The following SMC6 variants were observed in gnomAD, a reference collection of about 807,000 sequenced individuals.
The protein encoded by SMC6 is structural maintenance of chromosomes protein 6.
A neutral mutation model predicts 142.2 loss-of-function variants in SMC6; 79 were observed. The observed-to-expected ratio is 0.56, with a 90% confidence interval of 0.46 to 0.67. SMC6 has a LOEUF of 0.67. Ranked by LOEUF, SMC6 falls within the 30% of genes least tolerant of loss-of-function variation. The pLI, the probability that SMC6 is intolerant of heterozygous loss-of-function variation, is 0.00. For missense variants in SMC6, 1,072 were observed against 1,284.0 expected (o/e 0.83, Z 2.52); for synonymous variants, 411 against 412.4 (o/e 1.00, Z 0.04).
intron 18 of SMC6, among the ~76,000 whole-genome samples, chr2:17,706,097 G>C (rs942031411): frequency 6.6e-6 from 1 of 151,978 alleles, no homozygotes; most frequent in African/African-American, 2.4e-5. Flanking sequence ...ATTAGTGCCT[G>C]GAGTATTAGA....
At chr2:17,725,426 A>G in intron 8 of SMC6, 68 bp from the exon 9 acceptor site, 3 of 1,120,966 alleles carry the variant, frequency 2.7e-6, no homozygotes, top group Non-Finnish European at 2.5e-6. Context: ...TTAAAAAGAA[A>G]AAGAAAAATT....
chr2:17,733,890 T>C (rs1234358484), intron 5 of SMC6, among the ~76,000 whole-genome samples: 1 of 152,192 alleles, frequency 6.6e-6, no homozygotes. Flanking sequence ...CAGTAAGACT[T>C]ATAAATGCCT....
chr2:17,743,941 C>T (rs1670605889), intron 3 of SMC6, among the ~76,000 whole-genome samples: 1 of 152,084 alleles, frequency 6.6e-6, no homozygotes, highest in South Asian at 2.1e-4. Context: ...AATAGTGCAT[C>T]GTCTGGATAT....
intron 23 of SMC6, among the ~76,000 whole-genome samples, chr2:17,690,114 ATT>A (rs919491096): frequency 2.0e-5 from 3 of 152,228 alleles, no homozygotes; most frequent in African/African-American, 7.2e-5. Context: ...TACTGCAATT[ATT>A]TTACTTTATA....
rs1245248127 is a variant in SMC6 at position 17,753,665 on chromosome 2, G to T, written c.-132C>A. 6.6e-6 allele frequency: 1 copy of T among 152,208 alleles called. No individual in the cohort carries two copies. Among genetic ancestry groups the T allele is most frequent in the Non-Finnish European group, 1.5e-5 (1 of 68,040 alleles). 9.4% of individuals were successfully genotyped at this position (152,208 alleles called of 1,614,324 possible). On this transcript the variant is annotated 5_prime_UTR_variant, in exon 1 of 28. Transcript: ENST00000448223. ...AGTCTCCCAAAGGAACCTGATCGGC[G>T]GGGCTGCCGTGGTACGACCGGCCGC...
At position 17,708,650 on chromosome 2, in the gene SMC6, G is replaced by T; in HGVS notation, c.1834C>A (p.Leu612Ile). 6.6e-7 allele frequency: 1 copy of T among 1,505,170 alleles called. No individual in the cohort carries two copies. The highest frequency in any genetic ancestry group is 8.9e-7 in the Non-Finnish European group (1 of 1,121,352). The allele number at this position is 1,505,170 out of a possible 1,614,324, so 93.2% of individuals were successfully genotyped here. Residue 612 changes from leucine to isoleucine, a missense_variant, in exon 17 of 28, where the codon CTA becomes ATA. Leu to Ile is a conservative substitution (Grantham distance 5). Transcript: ENST00000448223. Reference sequence around the variant, plus strand: ...TCTGGAGGTCTTACTTTGATTAGTAGCACTGTCTCTATGCCTCTCATGTCA... The same window carrying T: ...TCTGGAGGTCTTACTTTGATTAGTATCACTGTCTCTATGCCTCTCATGTCA... Reference protein sequence around the residue: ...LIDMRGIETVLLIKNNSVARA... With the variant: ...LIDMRGIETVILIKNNSVARA...
intron 17 of SMC6, among the ~76,000 whole-genome samples, chr2:17,708,065 GAA>G (rs1351034838): frequency 1.3e-5 from 2 of 151,260 alleles, no homozygotes; most frequent in African/African-American, 4.9e-5. Flanking sequence ...CTATCAATGA[GAA>G]AAAAGACTTT....
At chr2:17,670,373 G>A (rs1357482910) in intron 26 of SMC6, 50 bp downstream of exon 26, 2 of 1,557,152 alleles carry the variant, frequency 1.3e-6, no homozygotes, top group South Asian at 2.4e-5. Context: ...AGAAATACAT[G>A]TTTCAAACAA....
intron 24 of SMC6, chr2:17,680,379 T>C (rs1256634509): frequency 6.6e-6 from 1 of 152,176 alleles, no homozygotes; most frequent in African/African-American, 2.4e-5. Context: ...GTTTACACTG[T>C]TGTTGATATT....
chr2:17,721,252 C>A lies in SMC6; in HGVS notation c.736G>T (p.Glu246Ter). The change falls in exon 10 of 28, where the codon GAA becomes TAA. Residue 246 changes from glutamate to a stop codon, truncating the protein, a stop_gained. Coordinates refer to ENST00000448223, the MANE Select transcript of SMC6 (RefSeq NM_001142286.2). LOFTEE classifies it high-confidence loss of function. ...QIHQGEERLT[E>*]LKRQCVEKEE... ...TTCTCTACACACTGGCGCTTTAGTT[C>A]AGTAAGCCGCTTAAAAAAAGAAAAC... 6.4e-7 allele frequency: 1 copy of A among 1,574,350 alleles called. No homozygotes were observed. The highest frequency in any genetic ancestry group is 1.2e-5 in the South Asian group (1 of 83,438).
chr2:17,671,897 G>A (rs1000892940), intron 25 of SMC6, among the ~76,000 whole-genome samples: 5 of 151,916 alleles, frequency 3.3e-5, no homozygotes, highest in African/African-American at 1.2e-4. Flanking sequence ...TGAAAAAAGA[G>A]CAACAACTAG....
intron 23 of SMC6, among the ~76,000 whole-genome samples, chr2:17,694,300 G>A (rs915694537): frequency 6.6e-6 from 1 of 152,108 alleles, no homozygotes; most frequent in African/African-American, 2.4e-5. Flanking sequence ...ACAGTAGGGT[G>A]ACTTTAGTTA....
chr2:17,738,099 C>G, intron 5 of SMC6, 122 bp downstream of exon 5: 1 of 636,534 alleles, frequency 1.6e-6, no homozygotes, highest in Non-Finnish European at 2.7e-6. Context: ...AAAAATAGGA[C>G]ACCTCTGCTC....
At chr2:17,706,904 G>C (rs143047852) in intron 18 of SMC6, among the ~76,000 whole-genome samples, 4 of 152,260 alleles carry the variant, frequency 2.6e-5, no homozygotes, top group African/African-American at 9.6e-5. Flanking sequence ...ACTAAACAGT[G>C]AGCACAGTGA....
rs753038442 is a variant in SMC6 at position 17,665,592 on chromosome 2, C to A, written c.3183G>T (p.Leu1061=). ...QSMSSLPSSK[L]IRILRMSDPE... Reference sequence around the variant, plus strand: ...GATCAGACATTCGGAGAATTCTTATCAGTTTACTGGATGGAAGTGAACTAG... The same window carrying A: ...GATCAGACATTCGGAGAATTCTTATAAGTTTACTGGATGGAAGTGAACTAG... Residue 1061 remains leucine, a synonymous_variant, in exon 28 of 28, where the codon CTG becomes CTT. Transcript: ENST00000448223. The A allele has an allele frequency of 2.5e-6, 4 of 1,609,508 alleles. No individual in the cohort carries two copies. The East Asian group carries it at 9.0e-5, about 36-fold the overall frequency.
chr2:17,727,965 T>G (rs188006534), intron 7 of SMC6, among the ~76,000 whole-genome samples: 2 of 152,352 alleles, frequency 1.3e-5, no homozygotes, highest in East Asian at 3.9e-4. Flanking sequence ...CCCCCAGCTC[T>G]TCATTTCATA....
chr2:17,745,515 T>C (rs538355132), intron 3 of SMC6, among the ~76,000 whole-genome samples: 11 of 152,322 alleles, frequency 7.2e-5, no homozygotes, highest in Admixed American at 6.5e-4. Context: ...CCTTTGGATG[T>C]CTGCAGGGTC....
intron 5 of SMC6, among the ~76,000 whole-genome samples, chr2:17,733,967 T>C (rs182067196): frequency 6.6e-6 from 1 of 152,012 alleles, no homozygotes; most frequent in East Asian, 1.9e-4. Context: ...CTTGAGACAG[T>C]GATGGAGAGA....
At chr2:17,681,577 T>C (rs1336939037) in intron 24 of SMC6, 1 of 152,168 alleles carries the variant, frequency 6.6e-6, no homozygotes, top group African/African-American at 2.4e-5. Flanking sequence ...AATTTCAATA[T>C]TGCTGTGTCT....
Sources: gnomAD v4.1 joint callset for allele counts (sites outside exome capture counted in the v4.1 genomes callset) on GRCh38, gnomAD v4.1.1 for gene constraint, MANE v1.5 for transcripts, NCBI Gene and HGNC (gene_info 2026-07-23, HGNC 2026-07-21) for gene names.